Variants in CDH4 observed in about 807,000 individuals in gnomAD.
CDH4 encodes the protein cadherin-4.
In CDH4, 33 loss-of-function variants were observed where a neutral mutation model predicts 86.0. The observed-to-expected ratio is 0.38, with a 90% CI of 0.29 to 0.51. The LOEUF (loss-of-function observed/expected upper bound fraction) is 0.51, where lower values mean the gene tolerates loss of function less well. CDH4 is among the 20% of genes least tolerant of loss of function. CDH4 has a pLI of 0.86. For synonymous variants in CDH4, 555 were observed against 549.4 expected (o/e 1.01, Z -0.14); for missense variants, 1,114 against 1,307.4 (o/e 0.85, Z 2.28).
chr20:61,603,929 ACACATGCATG>A (rs1402625823), intron 2 of CDH4, among the ~76,000 whole-genome samples: 1 of 152,186 alleles, frequency 6.6e-6, no homozygotes, highest in Non-Finnish European at 1.5e-5. Flanking sequence ...TGCAGTACAC[ACACATGCATG>A]CACATAGGCA....
Position 61,300,944 on chromosome 20 carries a change from G to A in CDH4, c.169+46007G>A, listed in dbSNP as rs553756488. On this transcript the variant is annotated intron_variant, in intron 2 of 15. Coordinates refer to ENST00000614565, the MANE Select transcript of CDH4 (RefSeq NM_001794.5). ...GCCATGGGCGGCTGCTCCCTCCCCC[G>A]GCCCCTGCAGCTGGCAGCAGGGCCC... 3.0e-3 allele frequency among the ~76,000 whole-genome samples: 461 copies of A among 152,154 alleles called. 2 individuals are homozygous for A. Among genetic ancestry groups the A allele is most frequent in the African/African-American group, 0.011 (437 of 41,518 alleles).
intron 2 of CDH4, among the ~76,000 whole-genome samples, chr20:61,398,763 G>A (rs962020106): frequency 2.6e-5 from 4 of 152,214 alleles, no homozygotes; most frequent in East Asian, 1.9e-4. Flanking sequence ...AGCCAAATTC[G>A]TTAATTTTGA....
intron 2 of CDH4, among the ~76,000 whole-genome samples, chr20:61,528,172 T>TC (rs2085924457): frequency 1.4e-5 from 2 of 145,808 alleles, no homozygotes; most frequent in African/African-American, 5.1e-5. Context: ...GGCCAGGAGT[T>TC]CAAGACCAGC....
rs114376674 is a variant in CDH4 at position 61,618,709 on chromosome 20, C to T, written c.170-124854C>T. ...GGGTACTCTGAGATTCAGAGCATCCCTGTGGAGGCCCCTATTGTTTCGGTT... is the reference window on the plus strand; with the variant it reads ...GGGTACTCTGAGATTCAGAGCATCCTTGTGGAGGCCCCTATTGTTTCGGTT... On this transcript the variant is annotated intron_variant, in intron 2 of 15. Transcript: ENST00000614565. Among the ~76,000 whole-genome samples, 529 of 152,354 alleles carry T rather than the reference C, an allele frequency of 3.5e-3. 4 individuals carry two copies. Among genetic ancestry groups the T allele is most frequent in the African/African-American group, 0.012 (495 of 41,586 alleles).
intron 2 of CDH4, among the ~76,000 whole-genome samples, chr20:61,683,641 C>T (rs1278485668): frequency 6.6e-6 from 1 of 152,206 alleles, no homozygotes; most frequent in Non-Finnish European, 1.5e-5. Context: ...GAGTGAGATG[C>T]ATACTTTGTT....
chr20:61,314,420 A>T (rs1369390836), intron 2 of CDH4, among the ~76,000 whole-genome samples: 1 of 152,168 alleles, frequency 6.6e-6, no homozygotes, highest in Non-Finnish European at 1.5e-5. Flanking sequence ...CTCCAGTTTC[A>T]TCCATGTTGT....
Position 61,565,231 on chromosome 20 carries a change from T to G in CDH4, c.170-178332T>G, listed in dbSNP as rs867248461. On this transcript the variant is annotated intron_variant, in intron 2 of 15. Coordinates refer to ENST00000614565, the MANE Select transcript of CDH4 (RefSeq NM_001794.5). ...CGGTGCTCTCGGTGGTAGGTGGTGG[T>G]GGTGGTGGTGGCGGTGCTCTTGGTG... is the stretch of plus-strand genomic sequence containing the variant. Among the ~76,000 whole-genome samples the G allele has an allele frequency of 1.7e-4, 8 of 45,782 alleles. 3 individuals are homozygous for G. Among genetic ancestry groups the G allele is most frequent in the African/African-American group, 4.2e-4 (5 of 11,868 alleles). 30.0% of individuals were successfully genotyped at this position (45,782 alleles called of 152,430 possible).
chr20:61,520,372 C>T (rs961330629), intron 2 of CDH4, among the ~76,000 whole-genome samples: 4 of 152,222 alleles, frequency 2.6e-5, no homozygotes, highest in Non-Finnish European at 5.9e-5. Context: ...TGAAATGCCA[C>T]ATCCATCCCT....
intron 2 of CDH4, among the ~76,000 whole-genome samples, chr20:61,456,737 G>A (rs142888492): frequency 3.9e-5 from 6 of 152,340 alleles, no homozygotes; most frequent in South Asian, 4.1e-4. Context: ...GAGGAGCTCC[G>A]TGAGGAAGCT....
At chr20:61,484,264 T>C (rs1335073064) in intron 2 of CDH4, among the ~76,000 whole-genome samples, 1 of 152,214 alleles carries the variant, frequency 6.6e-6, no homozygotes, top group Non-Finnish European at 1.5e-5. Context: ...CCACGTTTTA[T>C]TCTTTTGCGC....
rs983416332 is a variant in CDH4 at position 61,544,808 on chromosome 20, G to A, written c.170-198755G>A. On this transcript the variant is annotated intron_variant, in intron 2 of 15. Coordinates refer to ENST00000614565, the MANE Select transcript of CDH4 (RefSeq NM_001794.5). This position sits in a 1 kb window ranked among gnomAD's most constrained non-coding sequence, Gnocchi z 6.5. ...TCCCCCGACAGCCCTCCCTGCCCCCGAGGAAGGAACCTTGTTCCTCGGTTA... is the reference window on the plus strand; with the variant it reads ...TCCCCCGACAGCCCTCCCTGCCCCCAAGGAAGGAACCTTGTTCCTCGGTTA... 6.6e-6 allele frequency among the ~76,000 whole-genome samples: 1 copy of A among 152,100 alleles called. No individual in the cohort carries two copies. Among genetic ancestry groups the A allele is most frequent in the Non-Finnish European group, 1.5e-5 (1 of 68,012 alleles).
At chr20:61,339,860 A>G (rs1303526144) in intron 2 of CDH4, among the ~76,000 whole-genome samples, 1 of 152,226 alleles carries the variant, frequency 6.6e-6, no homozygotes. Context: ...GATCAGAGCA[A>G]CTATTCAGTG....
At chr20:61,819,368 C>T (rs117328443) in intron 4 of CDH4, among the ~76,000 whole-genome samples, 1 of 152,192 alleles carries the variant, frequency 6.6e-6, no homozygotes, top group Non-Finnish European at 1.5e-5. Context: ...TGCATGAGCA[C>T]GCGTCGCTCG....
At position 61,905,020 on chromosome 20, in the gene CDH4, G is replaced by A. The variant is rs183913226; in HGVS notation, c.1189-5402G>A. 4.0e-3 allele frequency among the ~76,000 whole-genome samples: 608 copies of A among 152,310 alleles called. 2 individuals are homozygous for A. The highest frequency in any genetic ancestry group is 7.7e-3 in the South Asian group (37 of 4,818). On this transcript the variant is annotated intron_variant, in intron 8 of 15. Transcript: ENST00000614565. ...TCTGCCTCAGAGCTGGGATTGTGCC[G>A]GAAGGCCCTCGTAGGAAGACAAAAT... is the stretch of plus-strand genomic sequence containing the variant.
rs1440571564 is a variant in CDH4, at chr20:61,479,183, T to TTTTTTG, written c.169+224251_169+224252insGTTTTT. Among the ~76,000 whole-genome samples the TTTTTTG allele has an allele frequency of 3.7e-3, 148 of 40,460 alleles. 2 individuals carry two copies. Among genetic ancestry groups the TTTTTTG allele is most frequent in the African/African-American group, 0.014 (142 of 10,228 alleles). The allele number at this position is 40,460 out of a possible 152,430, so 26.5% of individuals were successfully genotyped here. A position where few individuals can be genotyped will look rare whatever the true frequency, so the allele number is the denominator to read the frequency against. ...TTGATCACTGGTTTTTTGTTTTTTG[T>TTTTTTG]TTTTTTGTTTTATGCAAGGGTGTTT... On this transcript the variant is annotated intron_variant, in intron 2 of 15. Transcript: ENST00000614565.
chr20:61,333,140 A>G (rs1337146906), intron 2 of CDH4, among the ~76,000 whole-genome samples: 1 of 152,238 alleles, frequency 6.6e-6, no homozygotes, highest in African/African-American at 2.4e-5. Flanking sequence ...TTTTAGAGGC[A>G]TTGTGGCAAC....
intron 4 of CDH4, among the ~76,000 whole-genome samples, chr20:61,825,556 T>C (rs2146073530): frequency 6.6e-6 from 1 of 152,306 alleles, no homozygotes; most frequent in South Asian, 2.1e-4. Flanking sequence ...TCTCAGTTAA[T>C]ACTCACCCAA....
At chr20:61,821,432 C>T (rs59645808) in intron 4 of CDH4, among the ~76,000 whole-genome samples, 57 of 34,850 alleles carry the variant, frequency 1.6e-3, no homozygotes, top group Non-Finnish European at 3.5e-3. Context: ...TCACTCCCTA[C>T]ACAGCCCCCA....
chr20:61,786,830 T>G (rs889087716), intron 4 of CDH4, among the ~76,000 whole-genome samples: 14 of 152,222 alleles, frequency 9.2e-5, no homozygotes, highest in Admixed American at 3.3e-4. Flanking sequence ...GAGCCTTGTG[T>G]CTGCCAGGCC....
Sources: gnomAD v4.1 joint callset for allele counts (sites outside exome capture counted in the v4.1 genomes callset) on GRCh38, gnomAD v4.1.1 for gene constraint, Gnocchi (gnomAD v3.1) non-coding constraint, MANE v1.5 for transcripts, NCBI Gene and HGNC (gene_info 2026-07-23, HGNC 2026-07-21) for gene names.